The following STXBP5L variants were observed in gnomAD, a reference collection of about 807,000 sequenced individuals.
The protein encoded by STXBP5L is syntaxin binding protein 5L.
A neutral mutation model predicts 144.5 loss-of-function variants in STXBP5L; 65 were observed. That is an observed-to-expected ratio of 0.45 (90% CI 0.37 to 0.55). The LOEUF (loss-of-function observed/expected upper bound fraction) is 0.55. Ranked by LOEUF, STXBP5L falls within the 20% of genes least tolerant of loss-of-function variation. The probability of loss-of-function intolerance (pLI) is 0.00; values close to 1 mark genes in which losing one functional copy is unlikely to be tolerated. For missense variants in STXBP5L, 1,298 were observed against 1,405.5 expected, an observed-to-expected ratio of 0.92 and a Z score of 1.22; for synonymous variants, 505 against 469.6, an observed-to-expected ratio of 1.08 and a Z score of -0.97.
At chr3:121,074,771 G>T (rs952041105) in intron 5 of STXBP5L, among the ~76,000 whole-genome samples, 1 of 152,076 alleles carries the variant, frequency 6.6e-6, no homozygotes, top group South Asian at 2.1e-4. Flanking sequence ...GCCCCCTTAC[G>T]GTGTAAAGGA....
At chr3:121,292,950 G>A (rs2051499289) in intron 19 of STXBP5L, among the ~76,000 whole-genome samples, 2 of 152,044 alleles carry the variant, frequency 1.3e-5, no homozygotes, top group African/African-American at 2.4e-5. Context: ...GCTTGGTTAT[G>A]GGTGCACTAA....
At chr3:121,135,145 T>C (rs183759830) in intron 7 of STXBP5L, among the ~76,000 whole-genome samples, 42 of 152,346 alleles carry the variant, frequency 2.8e-4, no homozygotes, top group African/African-American at 9.1e-4. Context: ...TTTGCATTTC[T>C]CTGATGGCCA....
intron 10 of STXBP5L, among the ~76,000 whole-genome samples, chr3:121,221,678 C>A (rs753758979): frequency 1.1e-4 from 17 of 151,506 alleles, no homozygotes; most frequent in Admixed American, 3.3e-4. Flanking sequence ...TTTTTAATGG[C>A]ACCATTAGTA....
rs537475981 is a variant in STXBP5L, at chr3:121,190,658, A to T, written c.878-15265A>T. On this transcript the variant is annotated intron_variant, in intron 9 of 26. Transcript: ENST00000471454. ...GGCAGAGGCACCCCCCACCTCCCAG[A>T]TGGGGTGGCTGGCTGGGCGGCGGCT... 6.6e-4 allele frequency among the ~76,000 whole-genome samples: 100 copies of T among 151,070 alleles called. 3 individuals are homozygous for T. The South Asian group carries it at 0.021, about 31-fold the overall frequency.
intron 5 of STXBP5L, among the ~76,000 whole-genome samples, chr3:121,056,853 AT>A (rs1373141520): frequency 6.6e-6 from 1 of 151,664 alleles, no homozygotes; most frequent in African/African-American, 2.4e-5. Context: ...AAAACCATAT[AT>A]TTTTACATAT....
At chr3:121,264,901 A>AGTAAAGGG (rs2050509498) in intron 18 of STXBP5L, among the ~76,000 whole-genome samples, 3 of 152,234 alleles carry the variant, frequency 2.0e-5, no homozygotes, top group South Asian at 4.1e-4. Context: ...ATTACATAAT[A>AGTAAAGGG]GTAAAGGGAT....
chr3:121,006,338 G>A (rs954555410), intron 3 of STXBP5L, among the ~76,000 whole-genome samples: 2 of 152,034 alleles, frequency 1.3e-5, no homozygotes, highest in Non-Finnish European at 1.5e-5. Context: ...ATCTTTGTTG[G>A]TTTAAAGTCT....
rs545341594 is a variant in STXBP5L, at chr3:121,014,082, G to A, written c.288-27618G>A. On this transcript the variant is annotated intron_variant, in intron 3 of 26. Coordinates refer to ENST00000471454, the MANE Select transcript of STXBP5L (RefSeq NM_001308330.2). ...GAAGTCAGGTAATATGATGCCTCCAGCTTTGTTCTTTTTGCTTAGAATTAT... is the reference window on the plus strand; with the variant it reads ...GAAGTCAGGTAATATGATGCCTCCAACTTTGTTCTTTTTGCTTAGAATTAT... 3.9e-5 allele frequency among the ~76,000 whole-genome samples: 6 copies of A among 152,056 alleles called. No individual in the cohort carries two copies. The South Asian group carries it at 1.2e-3, about 31-fold the overall frequency.
intron 5 of STXBP5L, among the ~76,000 whole-genome samples, chr3:121,090,993 T>C (rs1436155197): frequency 5.5e-5 from 8 of 146,518 alleles, no homozygotes. Flanking sequence ...GTGTTCTCAT[T>C]GTTCAATTCC....
chr3:121,089,326 G>A (rs959523129), intron 5 of STXBP5L, among the ~76,000 whole-genome samples: 1 of 151,502 alleles, frequency 6.6e-6, no homozygotes, highest in Admixed American at 6.6e-5. Context: ...ACCTGATAAT[G>A]TCATAATTTC....
At chr3:120,998,667 A>G (rs573739796) in intron 3 of STXBP5L, among the ~76,000 whole-genome samples, 1 of 152,218 alleles carries the variant, frequency 6.6e-6, no homozygotes, top group South Asian at 2.1e-4. Context: ...TTTGCTGCAA[A>G]GTTTTAAGAT....
intron 7 of STXBP5L, among the ~76,000 whole-genome samples, chr3:121,132,282 C>T (rs1430294772): frequency 6.6e-6 from 1 of 152,182 alleles, no homozygotes; most frequent in Non-Finnish European, 1.5e-5. Context: ...TCCAGTGCCC[C>T]AGCTTCTTTG....
intron 5 of STXBP5L, among the ~76,000 whole-genome samples, chr3:121,067,393 C>A (rs897177308): frequency 1.3e-5 from 2 of 151,832 alleles, no homozygotes; most frequent in Admixed American, 6.6e-5. Context: ...TTATTTGAAC[C>A]TTGTGTTATT....
chr3:121,113,934 AG>A (rs1481874678), intron 5 of STXBP5L, among the ~76,000 whole-genome samples: 1 of 152,042 alleles, frequency 6.6e-6, no homozygotes, highest in Non-Finnish European at 1.5e-5. Flanking sequence ...GGCCTCTCAA[AG>A]TGCTTGGATT....
chr3:121,234,423 T>C (rs2049407538), intron 12 of STXBP5L, among the ~76,000 whole-genome samples: 1 of 152,138 alleles, frequency 6.6e-6, no homozygotes, highest in Admixed American at 6.6e-5. Context: ...AAAAATTCAT[T>C]ATCTATATAA....
intron 2 of STXBP5L, among the ~76,000 whole-genome samples, chr3:120,927,703 T>C (rs1709709723): frequency 2.6e-5 from 4 of 152,194 alleles, no homozygotes; most frequent in African/African-American, 9.7e-5. Flanking sequence ...CCTGTGACCC[T>C]AGAAGCTGAC....
intron 3 of STXBP5L, among the ~76,000 whole-genome samples, chr3:121,036,372 G>T (rs1242224698): frequency 6.6e-6 from 1 of 151,992 alleles, no homozygotes; most frequent in East Asian, 1.9e-4. Flanking sequence ...CTTATTATTT[G>T]TTTCAGTAAT....
intron 3 of STXBP5L, among the ~76,000 whole-genome samples, chr3:120,963,058 A>T (rs1199650516): frequency 6.6e-6 from 1 of 152,204 alleles, no homozygotes; most frequent in East Asian, 1.9e-4. Flanking sequence ...GAGTTCACTC[A>T]TGATTTGGCT....
chr3:121,319,267 C>T (rs1281964526), intron 20 of STXBP5L, among the ~76,000 whole-genome samples: 1 of 152,046 alleles, frequency 6.6e-6, no homozygotes, highest in East Asian at 1.9e-4. Flanking sequence ...TAGATCTGTT[C>T]TTACAGACAA....
Sources: allele counts gnomAD v4.1 joint callset (sites outside exome capture counted in the v4.1 genomes callset), GRCh38; gene constraint gnomAD v4.1.1; transcripts MANE v1.5; gene names NCBI Gene and HGNC (gene_info 2026-07-23, HGNC 2026-07-21).